SLC25A16: variants seen among roughly 807,000 people sequenced by gnomAD.
The protein encoded by SLC25A16 is solute carrier family 25 member 16.
In SLC25A16, 39 loss-of-function variants were observed where a neutral mutation model predicts 41.5. The observed-to-expected ratio is 0.94, with a 90% CI of 0.73 to 1.23. SLC25A16 has a LOEUF of 1.23. Among genes scored for constraint, SLC25A16 ranks in the 50% most tolerant of loss-of-function variants. The pLI is 0.00. For missense variants in SLC25A16, 421 were observed against 426.9 expected, an observed-to-expected ratio of 0.99 and a Z score of 0.12; for synonymous variants, 146 against 147.8, an observed-to-expected ratio of 0.99 and a Z score of 0.09.
rs369766981 is a variant in SLC25A16 at position 68,483,465 on chromosome 10, G to A, written c.966C>T (p.Tyr322=). Residue 322 remains tyrosine (Y), a synonymous_variant, in exon 9 of 9, where the codon TAC becomes TAT. Transcript: ENST00000609923. Reference sequence around the variant, plus strand: ...GGTGAAAAAACTGCTTCATAAGTTCGTATGTTGTAAAAGCCACTGCTTGAG... The same window carrying A: ...GGTGAAAAAACTGCTTCATAAGTTCATATGTTGTAAAAGCCACTGCTTGAG... ...IPSQAVAFTT[Y]ELMKQFFHLN 20 of 1,604,444 alleles carry A rather than the reference G, an allele frequency of 1.2e-5. No individual in the cohort carries two copies. The highest frequency in any genetic ancestry group is 9.0e-5 in the South Asian group (8 of 88,582).
intron 2 of SLC25A16, among the ~76,000 whole-genome samples, chr10:68,512,638 CAAAAAA>C (rs1163431016): frequency 8.2e-4 from 14 of 17,142 alleles, no homozygotes; most frequent in African/African-American, 3.3e-3. Flanking sequence ...GACTCCGTCT[CAAAAAA>C]AAAAAAAAAA....
chr10:68,515,839 AC>A (rs2053153396), intron 2 of SLC25A16, among the ~76,000 whole-genome samples: 1 of 152,094 alleles, frequency 6.6e-6, no homozygotes, highest in African/African-American at 2.4e-5. Context: ...AAAAAATCAG[AC>A]TGAGTTGTTA....
chr10:68,512,451 A>C (rs996567107), intron 2 of SLC25A16, among the ~76,000 whole-genome samples: 1 of 95,256 alleles, frequency 1.0e-5, no homozygotes, highest in African/African-American at 4.8e-5. Context: ...TCCCGGCTAA[A>C]ACGGTGAAAC....
chr10:68,509,577 G>GTGGT (rs1157068759), intron 2 of SLC25A16, among the ~76,000 whole-genome samples: 1 of 151,292 alleles, frequency 6.6e-6, no homozygotes, highest in African/African-American at 2.4e-5. Flanking sequence ...TTAGCTCTGC[G>GTGGT]TGGTGGCGCT....
intron 2 of SLC25A16, among the ~76,000 whole-genome samples, chr10:68,512,986 T>G (rs2664440): frequency 6.6e-6 from 1 of 151,392 alleles, no homozygotes; most frequent in Non-Finnish European, 1.5e-5. Context: ...TTGCAGCGAG[T>G]TGAGATTGCA....
intron 5 of SLC25A16, 116 bp downstream of exon 5, chr10:68,493,333 T>G: frequency 8.8e-7 from 1 of 1,141,216 alleles, no homozygotes; most frequent in Non-Finnish European, 1.3e-6. Flanking sequence ...TTTTCGTAAT[T>G]ATTGTTATTA....
chr10:68,516,947 T>A (rs1237566848), intron 1 of SLC25A16, 104 bp from the exon 2 acceptor site: 18 of 1,054,698 alleles, frequency 1.7e-5, no homozygotes, highest in Non-Finnish European at 2.4e-5. Context: ...TAATTCAGTC[T>A]CCATGAGTAA....
Position 68,520,110 on chromosome 10 carries a change from C to T in SLC25A16, c.131-3267G>A, listed in dbSNP as rs548970313. On this transcript the variant is annotated intron_variant, in intron 1 of 8. Transcript: ENST00000609923. ...GGATTACAGGAACCCACCACCTCGC[C>T]CAGCTAATTTTTTCTTTTTTTAGTC... Among the ~76,000 whole-genome samples the T allele has an allele frequency of 1.5e-3, 230 of 151,314 alleles. 1 individual carries two copies. Among genetic ancestry groups the T allele is most frequent in the Middle Eastern group, 0.01 (3 of 294 alleles).
intron 1 of SLC25A16, among the ~76,000 whole-genome samples, chr10:68,524,115 C>T (rs531493838): frequency 6.6e-6 from 1 of 151,818 alleles, no homozygotes; most frequent in Non-Finnish European, 1.5e-5. Context: ...TCGAGACCAT[C>T]CTGGCTAATA....
chr10:68,495,177 G>C (rs538398120), intron 4 of SLC25A16, among the ~76,000 whole-genome samples: 9 of 151,322 alleles, frequency 5.9e-5, no homozygotes, highest in Admixed American at 5.9e-4. Context: ...TTGGGAGACC[G>C]AGGTAGGCGG....
In SLC25A16 at chr10:68,483,361, C is replaced by T; in HGVS notation, c.*71G>A. On this transcript the variant is annotated 3_prime_UTR_variant, in exon 9 of 9. Coordinates refer to ENST00000609923, the MANE Select transcript of SLC25A16 (RefSeq NM_152707.4). ...AATATCCCCATTCAAGTAATGTTCC[C>T]CCCACAATTATAGTAATGTTTCATT... 3 of 990,330 alleles carry T rather than the reference C, an allele frequency of 3.0e-6. No individual in the cohort carries two copies. Among genetic ancestry groups the T allele is most frequent in the Middle Eastern group, 2.5e-4 (1 of 4,052 alleles). The allele number at this position is 990,330 out of a possible 1,614,324, so 61.3% of individuals were successfully genotyped here. A position where few individuals can be genotyped will look rare whatever the true frequency, so the allele number is the denominator to read the frequency against.
In SLC25A16 at chr10:68,527,475, C is replaced by A; in HGVS notation, c.-100G>T. ...GGTGACAGGAGGCTGACCGCCCCGCCGGCGGGGCAAAGTAACACCCGGCGG... is the reference window on the plus strand; with the variant it reads ...GGTGACAGGAGGCTGACCGCCCCGCAGGCGGGGCAAAGTAACACCCGGCGG... On this transcript the variant is annotated 5_prime_UTR_variant, in exon 1 of 9. Coordinates refer to ENST00000609923, the MANE Select transcript of SLC25A16 (RefSeq NM_152707.4). 8.1e-7 allele frequency: 1 copy of A among 1,230,066 alleles called. No homozygotes were observed. The highest frequency in any genetic ancestry group is 1.1e-6 in the Non-Finnish European group (1 of 936,990). 76.2% of individuals were successfully genotyped at this position (1,230,066 alleles called of 1,614,324 possible).
intron 2 of SLC25A16, among the ~76,000 whole-genome samples, chr10:68,508,564 A>G (rs563005845): frequency 1.3e-5 from 2 of 152,072 alleles, no homozygotes; most frequent in East Asian, 3.9e-4. Context: ...AAGATACAAA[A>G]AAAATTATCT....
At chr10:68,491,031 C>T (rs751793203) in intron 6 of SLC25A16, among the ~76,000 whole-genome samples, 38 of 152,030 alleles carry the variant, frequency 2.5e-4, no homozygotes, top group Admixed American at 9.2e-4. Flanking sequence ...CTGGGACCAC[C>T]AAGCCTGGCT....
At chr10:68,504,112 A>G (rs2052908183) in intron 3 of SLC25A16, among the ~76,000 whole-genome samples, 1 of 134,338 alleles carries the variant, frequency 7.4e-6, no homozygotes, top group South Asian at 2.3e-4. Context: ...TGCAACCTAG[A>G]TTCAAGCGAT....
At chr10:68,486,546 G>T (rs2052566784) in intron 8 of SLC25A16, among the ~76,000 whole-genome samples, 1 of 151,618 alleles carries the variant, frequency 6.6e-6, no homozygotes, top group Non-Finnish European at 1.5e-5. Context: ...GCTAATTTTT[G>T]TATTTTTAGT....
Position 68,483,473 on chromosome 10 carries a change from T to C in SLC25A16, c.958A>G (p.Thr320Ala). 2 of 1,609,902 alleles carry C rather than the reference T, an allele frequency of 1.2e-6. No individual in the cohort carries two copies. The highest frequency in any genetic ancestry group is 8.5e-7 in the Non-Finnish European group (1 of 1,178,800). The change falls in exon 9 of 9, where the codon ACA becomes GCA. Residue 320 changes from threonine (T) to alanine (A), a missense_variant. Transcript: ENST00000609923. The stretch of plus-strand genomic sequence containing the variant: ...AACTGCTTCATAAGTTCGTATGTTG[T>C]AAAAGCCACTGCTTGAGAGGGAATA... The part of the protein sequence containing the change: ...RCIPSQAVAF[T>A]TYELMKQFFH...
At chr10:68,502,359 T>C (rs965755369) in intron 4 of SLC25A16, among the ~76,000 whole-genome samples, 2 of 151,818 alleles carry the variant, frequency 1.3e-5, no homozygotes, top group African/African-American at 4.8e-5. Flanking sequence ...GGGAAAAAAA[T>C]CTTGGATGAT....
intron 2 of SLC25A16, among the ~76,000 whole-genome samples, chr10:68,509,559 C>A (rs1291103892): frequency 6.6e-6 from 1 of 151,698 alleles, no homozygotes; most frequent in South Asian, 2.1e-4. Flanking sequence ...TACAAAAAAA[C>A]TTAAAAGTTA....
Sources: gnomAD v4.1 joint callset for allele counts (sites outside exome capture counted in the v4.1 genomes callset) on GRCh38, gnomAD v4.1.1 for gene constraint, MANE v1.5 for transcripts, NCBI Gene and HGNC (gene_info 2026-07-23, HGNC 2026-07-21) for gene names.